The following RARB variants were observed in gnomAD, a reference collection of about 807,000 sequenced individuals.
RARB encodes retinoic acid receptor beta, also known as HBV-activated protein.
Under a neutral mutation model 51.9 loss-of-function variants are expected in RARB, and 17 were observed. That is an observed-to-expected ratio of 0.33 (90% CI 0.22 to 0.49). The LOEUF (loss-of-function observed/expected upper bound fraction) is 0.49, where lower values mean the gene tolerates loss of function less well. RARB is among the 20% of genes least tolerant of loss of function. The pLI is 0.99. For missense variants in RARB, 369 were observed against 550.8 expected, an observed-to-expected ratio of 0.67 and a Z score of 3.30; for synonymous variants, 215 against 195.4, an observed-to-expected ratio of 1.10 and a Z score of -0.84.
intron 5 of RARB, among the ~76,000 whole-genome samples, chr3:25,384,635 A>ATCC (rs1207861955): frequency 2.0e-5 from 3 of 152,192 alleles, no homozygotes; most frequent in African/African-American, 7.2e-5. Context: ...TGAGGCTGAC[A>ATCC]TCCTCCTCAC....
intron 5 of RARB, among the ~76,000 whole-genome samples, chr3:25,226,340 C>T (rs543505004): frequency 2.2e-4 from 33 of 152,256 alleles, no homozygotes; most frequent in Non-Finnish European, 4.3e-4. Flanking sequence ...TAGCAGTGAA[C>T]TTGCTCTGAC....
intron 2 of RARB, among the ~76,000 whole-genome samples, chr3:25,020,962 C>T (rs1349157135): frequency 2.6e-5 from 4 of 151,976 alleles, no homozygotes; most frequent in Admixed American, 2.6e-4. Context: ...AGTGAAACAC[C>T]GTCTCAAAAT....
chr3:25,063,241 A>G (rs1301996597), intron 3 of RARB, among the ~76,000 whole-genome samples: 1 of 152,034 alleles, frequency 6.6e-6, no homozygotes, highest in Non-Finnish European at 1.5e-5. Context: ...TTGTATTTTG[A>G]GGAAATTATT....
intron 2 of RARB, among the ~76,000 whole-genome samples, chr3:25,021,941 G>C (rs1210702227): frequency 6.6e-6 from 1 of 152,004 alleles, no homozygotes; most frequent in Non-Finnish European, 1.5e-5. Context: ...TACTGAGTTA[G>C]GCACCAAGTA....
chr3:25,155,538 A>G (rs1041738646), intron 4 of RARB, among the ~76,000 whole-genome samples: 53 of 152,372 alleles, frequency 3.5e-4, no homozygotes, highest in African/African-American at 1.1e-3. Flanking sequence ...TCCAGTGGCA[A>G]TATTACTCTA....
At chr3:25,106,155 A>G (rs1181395078) in intron 3 of RARB, among the ~76,000 whole-genome samples, 1 of 152,208 alleles carries the variant, frequency 6.6e-6, no homozygotes, top group East Asian at 1.9e-4. Context: ...TTAAAAAATG[A>G]AGGCTGTTCC....
intron 3 of RARB, among the ~76,000 whole-genome samples, chr3:25,565,067 CT>C (rs1575523965): frequency 6.6e-6 from 1 of 152,176 alleles, no homozygotes; most frequent in African/African-American, 2.4e-5. Context: ...TAGGATCCCC[CT>C]GCCACACCCA....
chr3:25,478,092 A>G (rs1864903), intron 2 of RARB, among the ~76,000 whole-genome samples: 78,044 of 151,972 alleles, frequency 0.51, 22,172 homozygotes, highest in African/African-American at 0.77. Context: ...GGGGGCTCAG[A>G]GGTCCAAAAA....
chr3:25,396,714 G>A (rs879263941), intron 5 of RARB, among the ~76,000 whole-genome samples: 10 of 152,194 alleles, frequency 6.6e-5, no homozygotes, highest in Non-Finnish European at 1.0e-4. Context: ...TTGCTGTGGC[G>A]CTGTGGAGAT....
intron 5 of RARB, chr3:25,258,971 T>C (rs1039492475): frequency 2.1e-6 from 2 of 946,624 alleles, no homozygotes; most frequent in African/African-American, 1.8e-5. Context: ...GGACCAAACC[T>C]CAGCCTGAGT....
intron 2 of RARB, among the ~76,000 whole-genome samples, chr3:24,887,308 GATTT>G (rs1703285250): frequency 6.6e-6 from 1 of 152,160 alleles, no homozygotes; most frequent in Admixed American, 6.6e-5. Flanking sequence ...CTCAATGAAA[GATTT>G]ATATCTGTAA....
At chr3:24,858,737 A>G (rs1317308421) in exon 2 of RARB, 4 of 152,284 alleles carry the variant, frequency 2.6e-5, no homozygotes, top group Admixed American at 1.3e-4. Flanking sequence ...CTGTTCTCAC[A>G]ATCTTCAGCA....
At chr3:25,030,869 A>G (rs1220719087) in intron 2 of RARB, among the ~76,000 whole-genome samples, 2 of 152,214 alleles carry the variant, frequency 1.3e-5, no homozygotes, top group Admixed American at 6.5e-5. Flanking sequence ...TTTAGATACA[A>G]AACAAAATCA....
chr3:25,557,162 C>CACACACACAT (rs1700096755), intron 3 of RARB, among the ~76,000 whole-genome samples: 1 of 149,782 alleles, frequency 6.7e-6, no homozygotes, highest in Admixed American at 6.6e-5. Context: ...CACACACACA[C>CACACACACAT]ACACACACAC....
chr3:25,354,727 T>C (rs961029183), intron 5 of RARB, among the ~76,000 whole-genome samples: 1 of 152,148 alleles, frequency 6.6e-6, no homozygotes, highest in Non-Finnish European at 1.5e-5. Context: ...GTTTGATGTA[T>C]TGGAGACAGG....
chr3:25,040,559 C>G (rs1442765230), intron 2 of RARB, among the ~76,000 whole-genome samples: 1 of 152,098 alleles, frequency 6.6e-6, no homozygotes, highest in East Asian at 1.9e-4. Context: ...ATGGTGAAAC[C>G]TCATCTCTAC....
intron 2 of RARB, among the ~76,000 whole-genome samples, chr3:24,931,043 A>C (rs1041449458): frequency 6.6e-6 from 1 of 152,020 alleles, no homozygotes; most frequent in Non-Finnish European, 1.5e-5. Context: ...CTTAAACACT[A>C]AGAAGTTAAG....
chr3:24,896,936 A>T (rs1260212458), intron 2 of RARB, among the ~76,000 whole-genome samples: 1 of 152,218 alleles, frequency 6.6e-6, no homozygotes, highest in African/African-American at 2.4e-5. Context: ...CTTCACATTC[A>T]ACCACTGGCC....
At chr3:25,446,654 T>C (rs1156730116) in intron 1 of RARB, among the ~76,000 whole-genome samples, 1 of 151,604 alleles carries the variant, frequency 6.6e-6, no homozygotes, top group Non-Finnish European at 1.5e-5. Flanking sequence ...ATACAAAAAA[T>C]TAGCCGGGCG....
Sources: gnomAD v4.1 joint callset for allele counts (sites outside exome capture counted in the v4.1 genomes callset) on GRCh38, gnomAD v4.1.1 for gene constraint, MANE v1.5 for transcripts, NCBI Gene and HGNC (gene_info 2026-07-23, HGNC 2026-07-21) for gene names.